Variants in CHD1L observed in about 807,000 individuals in gnomAD.
CHD1L encodes ATP-dependent chromatin remodeler CHD1L.
CHD1L carries 118 observed loss-of-function variants against 115.9 expected under a neutral mutation model. That is an observed-to-expected ratio of 1.02 (90% CI 0.88 to 1.19). The LOEUF (loss-of-function observed/expected upper bound fraction) is 1.19. Among genes scored for constraint, CHD1L ranks in the 50% most tolerant of loss-of-function variants. The pLI, the probability that CHD1L is intolerant of heterozygous loss-of-function variation, is 0.00. For synonymous variants in CHD1L, 411 were observed against 387.1 expected (o/e 1.06, Z -0.72); for missense variants, 1,179 against 1,065.3 (o/e 1.11, Z -1.49).
chr1:147,241,506 C>T (rs1001468272), upstream of CHD1L, among the ~76,000 whole-genome samples: 4 of 152,148 alleles, frequency 2.6e-5, no homozygotes, highest in South Asian at 4.1e-4. Context: ...TGACTCTTTT[C>T]GGACTCAGCC....
chr1:147,244,909 A>G (rs1265938938), intron 1 of CHD1L, among the ~76,000 whole-genome samples: 2 of 152,188 alleles, frequency 1.3e-5, no homozygotes, highest in Non-Finnish European at 2.9e-5. Context: ...AAGAGTATGC[A>G]AAATTTTTGC....
upstream of CHD1L, among the ~76,000 whole-genome samples, chr1:147,240,165 A>G (rs1171727078): frequency 6.6e-6 from 1 of 151,980 alleles, no homozygotes; most frequent in Non-Finnish European, 1.5e-5. Context: ...GAAATAAGAG[A>G]CTCCATTTTG....
intron 12 of CHD1L, 58 bp downstream of exon 12, chr1:147,272,339 C>T (rs1676570195): frequency 8.6e-6 from 10 of 1,165,994 alleles, no homozygotes; most frequent in East Asian, 2.3e-5. Context: ...AGTACTATTA[C>T]ATCCCAACGG....
At chr1:147,178,586 G>T in the CHD1L span, 1 of 1,606,758 alleles carries the variant, frequency 6.2e-7, no homozygotes, top group East Asian at 2.2e-5. Context: ...TCTATAGTAG[G>T]TTTTTTCGAT....
chr1:147,273,134 C>T lies in CHD1L; in HGVS notation c.1270+853C>T, dbSNP rs965419456. Among the ~76,000 whole-genome samples, 13 of 152,084 alleles carry T rather than the reference C, an allele frequency of 8.5e-5. No individual in the cohort carries two copies. The South Asian group carries it at 1.0e-3, about 12-fold the overall frequency. Reference sequence around the variant, plus strand: ...AGGAGAACCGCTGGAATCCAGGAGGCGGAGGTTGCAGTGAGCCAAGATTGC... The same window carrying T: ...AGGAGAACCGCTGGAATCCAGGAGGTGGAGGTTGCAGTGAGCCAAGATTGC... On this transcript the variant is annotated intron_variant, in intron 12 of 22. Transcript: ENST00000369258.
At position 147,275,450 on chromosome 1, in the gene CHD1L, A is replaced by G. The variant is rs1553956866; in HGVS notation, c.1367A>G (p.His456Arg). 2.5e-6 allele frequency: 4 copies of G among 1,613,750 alleles called. No individual in the cohort carries two copies. Among genetic ancestry groups the G allele is most frequent in the East Asian group, 2.2e-5 (1 of 44,892 alleles). Residue 456 changes from histidine (H) to arginine (R), a missense_variant, in exon 13 of 23, where the codon CAT becomes CGT. Transcript: ENST00000369258. ...QNDLQAAARAHRIGQNKSVKV... is the reference protein window; with the variant it reads ...QNDLQAAARARRIGQNKSVKV... The stretch of plus-strand genomic sequence containing the variant: ...GACTTGCAAGCAGCTGCCAGGGCTC[A>G]TCGCATTGGCCAAAACAAGTAAGTG...
At chr1:147,230,864 A>G in the CHD1L span, among the ~76,000 whole-genome samples, 1 of 150,946 alleles carries the variant, frequency 6.6e-6, no homozygotes, top group East Asian at 2.0e-4. Context: ...TATCCCCTTT[A>G]TCATTTTTAT....
chr1:147,274,398 C>T (rs12030664), intron 12 of CHD1L, among the ~76,000 whole-genome samples: 3 of 152,138 alleles, frequency 2.0e-5, no homozygotes, highest in Non-Finnish European at 4.4e-5. Context: ...CAACTTGATA[C>T]GAAGACTTTA....
chr1:147,188,724 AAAAT>A, the CHD1L span, among the ~76,000 whole-genome samples: 29 of 151,250 alleles, frequency 1.9e-4, no homozygotes, highest in African/African-American at 2.9e-4. Flanking sequence ...ACTTAAATAT[AAAAT>A]AAATAAATAA....
chr1:147,173,599 T>C, the CHD1L span: 1 of 152,148 alleles, frequency 6.6e-6, no homozygotes, highest in Non-Finnish European at 1.5e-5. Flanking sequence ...TTGGGAGGGA[T>C]CCAGGTTTTT....
chr1:147,252,248 C>T (rs1553936869), intron 1 of CHD1L, among the ~76,000 whole-genome samples: 1 of 152,180 alleles, frequency 6.6e-6, no homozygotes, highest in Admixed American at 6.5e-5. Context: ...CAAGCAGACA[C>T]ATGTACAATC....
At chr1:147,204,023 T>A in the CHD1L span, 1 of 1,192,570 alleles carries the variant, frequency 8.4e-7, no homozygotes, top group Non-Finnish European at 1.3e-6. Context: ...TTTGTTTGCA[T>A]AATGAAGAGC....
At chr1:147,206,528 G>A in the CHD1L span, among the ~76,000 whole-genome samples, 1 of 152,154 alleles carries the variant, frequency 6.6e-6, no homozygotes, top group Admixed American at 6.5e-5. Context: ...GTCCAACAAT[G>A]ATAGACTGGA....
the CHD1L span, chr1:147,204,736 G>T: frequency 6.6e-7 from 1 of 1,512,506 alleles, no homozygotes; most frequent in East Asian, 2.3e-5. Context: ...TGCATCATTT[G>T]TCACAAACAA....
intron 1 of CHD1L, among the ~76,000 whole-genome samples, chr1:147,249,695 C>T (rs1192457706): frequency 3.3e-5 from 5 of 152,140 alleles, no homozygotes; most frequent in East Asian, 3.9e-4. Flanking sequence ...TGAGCCACCG[C>T]GCCCGGCAAT....
the CHD1L span, among the ~76,000 whole-genome samples, chr1:147,235,189 C>T: frequency 6.6e-6 from 1 of 151,692 alleles, no homozygotes; most frequent in African/African-American, 2.4e-5. Flanking sequence ...GGGGAAAACA[C>T]TATGCCTGTA....
chr1:147,254,839 T>C (rs1553938862), intron 2 of CHD1L, 31 bp from the exon 3 acceptor site: 2 of 1,510,368 alleles, frequency 1.3e-6, no homozygotes, highest in Non-Finnish European at 1.8e-6. Flanking sequence ...GGAAATGTGA[T>C]CAAAACTGCC....
chr1:147,288,347 G>GAAAAAGA (rs1572170026), intron 19 of CHD1L, among the ~76,000 whole-genome samples: 1 of 122,414 alleles, frequency 8.2e-6, no homozygotes, highest in South Asian at 2.5e-4. Context: ...AAAAAAAAAA[G>GAAAAAGA]AAAAAGAGAA....
At chr1:147,186,965 T>A in the CHD1L span, 1 of 1,614,182 alleles carries the variant, frequency 6.2e-7, no homozygotes, top group Non-Finnish European at 8.5e-7. Context: ...ATTGTCATTG[T>A]TGAAGTCATA....
Sources: gnomAD v4.1 joint callset for allele counts (sites outside exome capture counted in the v4.1 genomes callset) on GRCh38, gnomAD v4.1.1 for gene constraint, MANE v1.5 for transcripts, NCBI Gene and HGNC (gene_info 2026-07-23, HGNC 2026-07-21) for gene names.